The following ROBO2 variants were observed in gnomAD, a reference collection of about 807,000 sequenced individuals.
ROBO2 encodes roundabout guidance receptor 2, also known as roundabout homolog 2.
In ROBO2, 53 loss-of-function variants were observed where a neutral mutation model predicts 160.8. That is an observed-to-expected ratio of 0.33 (90% CI 0.26 to 0.41). The LOEUF is 0.41. ROBO2 is among the 10% of genes least tolerant of loss of function. The pLI, the probability that ROBO2 is intolerant of heterozygous loss-of-function variation, is 1.00. For synonymous variants in ROBO2, 664 were observed against 611.7 expected, an observed-to-expected ratio of 1.09 and a Z score of -1.26; for missense variants, 1,577 against 1,722.4, an observed-to-expected ratio of 0.92 and a Z score of 1.49.
intron 1 of ROBO2, among the ~76,000 whole-genome samples, chr3:75,933,839 A>G (rs1947648366): frequency 6.6e-6 from 1 of 152,106 alleles, no homozygotes; most frequent in Non-Finnish European, 1.5e-5. Flanking sequence ...ATACCTGGAA[A>G]CTTCGATTTG....
At chr3:75,984,854 T>C (rs1312156978) in intron 2 of ROBO2, among the ~76,000 whole-genome samples, 4 of 151,336 alleles carry the variant, frequency 2.6e-5, no homozygotes, top group Non-Finnish European at 5.9e-5. Flanking sequence ...AAGAATTTGG[T>C]TTCAGTGTAA....
chr3:76,659,873 G>A (rs1193548648), intron 2 of ROBO2, among the ~76,000 whole-genome samples: 1 of 152,094 alleles, frequency 6.6e-6, no homozygotes, highest in Non-Finnish European at 1.5e-5. Flanking sequence ...ATTTGAAGGG[G>A]ATGAAGAAGC....
chr3:77,036,966 G>A (rs1430381433), upstream of ROBO2, among the ~76,000 whole-genome samples: 2 of 151,546 alleles, frequency 1.3e-5, no homozygotes. Flanking sequence ...TTTGGAGTGA[G>A]AAATCCATTT....
chr3:77,173,737 T>A (rs2079863646), intron 2 of ROBO2, among the ~76,000 whole-genome samples: 1 of 152,126 alleles, frequency 6.6e-6, no homozygotes, highest in Non-Finnish European at 1.5e-5. Context: ...TGTTCTCATG[T>A]CTAATCAGTT....
intron 2 of ROBO2, among the ~76,000 whole-genome samples, chr3:76,304,232 T>C (rs2071213622): frequency 6.6e-6 from 1 of 152,232 alleles, no homozygotes; most frequent in Admixed American, 6.5e-5. Context: ...ATGATTTGCC[T>C]TTGCAGCAGG....
rs548582467 is a variant in ROBO2, at chr3:76,155,284, A to G, written c.109+217682A>G. Among the ~76,000 whole-genome samples, 5 of 152,276 alleles carry G rather than the reference A, an allele frequency of 3.3e-5. No individual in the cohort carries two copies. In the South Asian group the frequency reaches 1.0e-3, roughly 32 times the overall value. ...CTGATGAAAGAACACAACGCCAACT[A>G]TATTCTCAGAAAAGAGACTGAACCT... On this transcript the variant is annotated intron_variant, in intron 2 of 26. Transcript: ENST00000487694.
intron 2 of ROBO2, among the ~76,000 whole-genome samples, chr3:77,423,649 C>T (rs544426262): frequency 2.1e-4 from 32 of 152,280 alleles, no homozygotes; most frequent in African/African-American, 7.2e-4. Context: ...ACCTGGAACA[C>T]TATATGTGCC....
At chr3:76,519,453 G>A (rs72902510) in intron 2 of ROBO2, among the ~76,000 whole-genome samples, 6,181 of 152,212 alleles carry the variant, frequency 0.041, 438 homozygotes, top group African/African-American at 0.14. Context: ...AAATGTACAT[G>A]GTTAAACCTT....
At chr3:76,933,946 A>T (rs1044642316) in intron 2 of ROBO2, among the ~76,000 whole-genome samples, 2 of 152,210 alleles carry the variant, frequency 1.3e-5, no homozygotes, top group Admixed American at 1.3e-4. Context: ...TTATATAAAA[A>T]TAGTTTAGAT....
At position 77,454,504 on chromosome 3, in the gene ROBO2, T is replaced by C. The variant is rs79427624; in HGVS notation, c.389-22910T>C. 5.6e-4 allele frequency among the ~76,000 whole-genome samples: 86 copies of C among 152,282 alleles called. 1 individual carries two copies. The East Asian group carries it at 0.016, about 28-fold the overall frequency. On this transcript the variant is annotated intron_variant, in intron 2 of 25. Coordinates refer to ENST00000461745, the Ensembl canonical transcript of ROBO2. The stretch of plus-strand genomic sequence containing the variant: ...ATTCTTATACATTTGAGGCAGAAAG[T>C]TGGAAATATTTGTATTAATCTCCTG...
chr3:76,950,293 C>T (rs1247563623), intron 2 of ROBO2, among the ~76,000 whole-genome samples: 5 of 152,096 alleles, frequency 3.3e-5, no homozygotes, highest in African/African-American at 7.2e-5. Context: ...TTTCCAAAAG[C>T]GGAATCCTTT....
At position 76,026,961 on chromosome 3, in the gene ROBO2, T is replaced by C. The variant is rs996312238; in HGVS notation, c.109+89359T>C. On this transcript the variant is annotated intron_variant, in intron 2 of 26. Coordinates refer to the ROBO2 transcript ENST00000487694. The stretch of plus-strand genomic sequence containing the variant: ...CCCTCTTCAAGGATCTCTGACAAGA[T>C]ACTGATTACAGAGATGTCTGAGGAC... 4.6e-5 allele frequency among the ~76,000 whole-genome samples: 7 copies of C among 152,046 alleles called. No homozygotes were observed. In the East Asian group the frequency reaches 1.2e-3, roughly 25 times the overall value.
intron 1 of ROBO2, among the ~76,000 whole-genome samples, chr3:77,049,529 G>T (rs2065012260): frequency 6.6e-6 from 1 of 152,140 alleles, no homozygotes; most frequent in Admixed American, 6.5e-5. Context: ...ATTCATTAAT[G>T]ACCAGTGGTA....
intron 2 of ROBO2, among the ~76,000 whole-genome samples, chr3:76,067,324 C>A (rs1048992244): frequency 6.6e-6 from 1 of 152,114 alleles, no homozygotes; most frequent in South Asian, 2.1e-4. Flanking sequence ...TAATAATCAT[C>A]AACAAATAAC....
intron 2 of ROBO2, among the ~76,000 whole-genome samples, chr3:77,453,767 C>T (rs1582076260): frequency 6.6e-6 from 1 of 151,976 alleles, no homozygotes. Context: ...TGTTATTTTC[C>T]AGGTTATGTT....
At chr3:76,881,073 T>G (rs187901386) in intron 2 of ROBO2, among the ~76,000 whole-genome samples, 18 of 152,304 alleles carry the variant, frequency 1.2e-4, no homozygotes, top group Non-Finnish European at 2.1e-4. Context: ...TACAATACAC[T>G]GTACCTAGTT....
rs189999396 is a variant in ROBO2 at position 76,879,983 on chromosome 3, A to G, written c.110-218031A>G. ...ACTCATTATAAGACAAAGAAAAATA[A>G]TAGAAGTAGTTCTCAGAGTAATGAT... is the stretch of plus-strand genomic sequence containing the variant. On this transcript the variant is annotated intron_variant, in intron 2 of 26. Transcript: ENST00000487694. Among the ~76,000 whole-genome samples the G allele has an allele frequency of 3.3e-5, 5 of 152,282 alleles. No homozygotes were observed. The South Asian group carries it at 6.2e-4, about 19-fold the overall frequency.
chr3:76,285,752 G>T (rs1294829011), intron 2 of ROBO2, among the ~76,000 whole-genome samples: 2 of 151,968 alleles, frequency 1.3e-5, no homozygotes, highest in African/African-American at 4.8e-5. Flanking sequence ...TTCAAACATC[G>T]AATTTAACCT....
At chr3:76,893,198 C>A (rs906479960) in intron 2 of ROBO2, among the ~76,000 whole-genome samples, 1 of 151,928 alleles carries the variant, frequency 6.6e-6, no homozygotes, top group Non-Finnish European at 1.5e-5. Flanking sequence ...CCCCTTTGGG[C>A]CAGACACACA....
Sources: allele counts gnomAD v4.1 joint callset (sites outside exome capture counted in the v4.1 genomes callset), GRCh38; gene constraint gnomAD v4.1.1; transcripts MANE v1.5; gene names NCBI Gene and HGNC (gene_info 2026-07-23, HGNC 2026-07-21).